OLFML2A: variants seen among roughly 807,000 people sequenced by gnomAD.
OLFML2A encodes the protein olfactomedin-like protein 2A.
In OLFML2A, 47 loss-of-function variants were observed where a neutral mutation model predicts 60.9. That is an observed-to-expected ratio of 0.77 (90% CI 0.61 to 0.98). The LOEUF is 0.98. Among genes scored for constraint, OLFML2A ranks in the 50% least tolerant of loss-of-function variants. The pLI is 0.00. For missense variants in OLFML2A, 922 were observed against 879.8 expected (o/e 1.05, Z -0.61); for synonymous variants, 372 against 375.0 (o/e 0.99, Z 0.09).
rs143496997 is a variant in OLFML2A, at chr9:124,807,824, C to A, written c.1212C>A (p.Pro404=). 8.5e-5 allele frequency: 137 copies of A among 1,613,830 alleles called. No individual in the cohort carries two copies. The highest frequency in any genetic ancestry group is 2.0e-4 in the Admixed American group (12 of 59,982). Residue 404 remains proline, a synonymous_variant, in exon 7 of 8, where the codon CCC becomes CCA. Transcript: ENST00000373580. ...AGGGCACCCTCCGGGCTGTGGACCC[C>A]CCTGTGAGGCACCACAGCTATGGGC... ...SCEGTLRAVD[P]PVRHHSYGRH... is the part of the protein sequence containing the mutation.
intron 6 of OLFML2A, 129 bp downstream of exon 6, chr9:124,804,471 A>C: frequency 1.1e-6 from 1 of 925,800 alleles, no homozygotes; most frequent in Non-Finnish European, 1.6e-6. Flanking sequence ...CACCTGTAAC[A>C]CCAGCACTTT....
rs1046335870 is a variant in OLFML2A, at chr9:124,777,437, G to C, written c.90+77G>C. On this transcript the variant is annotated intron_variant, in intron 1 of 7. Coordinates refer to ENST00000373580, the MANE Select transcript of OLFML2A (RefSeq NM_182487.4). This position sits in a 1 kb window ranked among gnomAD's most constrained non-coding sequence, Gnocchi z 6.2. ...GGGCGCTGTGGCTGGGGTGCGGCCC[G>C]GGAGGGAGCCCGGGGCCAGGGCGGA... The C allele has an allele frequency of 4.1e-6, 5 of 1,206,628 alleles. No individual in the cohort carries two copies. Among genetic ancestry groups the C allele is most frequent in the Non-Finnish European group, 5.2e-6 (5 of 968,744 alleles). 74.7% of individuals were successfully genotyped at this position (1,206,628 alleles called of 1,614,324 possible). A position where few individuals can be genotyped will look rare whatever the true frequency, so the allele number is the denominator to read the frequency against.
In OLFML2A at chr9:124,810,541, G is replaced by C; in HGVS notation, c.*129G>C. On this transcript the variant is annotated 3_prime_UTR_variant, in exon 8 of 8. Coordinates refer to ENST00000373580, the MANE Select transcript of OLFML2A (RefSeq NM_182487.4). The stretch of plus-strand genomic sequence containing the variant: ...CAGGGCTGGGACTGGGCATGAGGTG[G>C]TCACCAGGATTGAGCTTCCTCAGCA... 1 of 954,368 alleles carries C rather than the reference G, an allele frequency of 1.0e-6. No homozygotes were observed. The highest frequency in any genetic ancestry group is 1.5e-6 in the Non-Finnish European group (1 of 659,036). The allele number at this position is 954,368 out of a possible 1,614,324, so 59.1% of individuals were successfully genotyped here.
At chr9:124,808,304 C>T (rs992385128) in intron 7 of OLFML2A, among the ~76,000 whole-genome samples, 1 of 152,144 alleles carries the variant, frequency 6.6e-6, no homozygotes, top group Non-Finnish European at 1.5e-5. Flanking sequence ...CTGATCTCGC[C>T]CCCCGTGTAT....
intron 2 of OLFML2A, among the ~76,000 whole-genome samples, chr9:124,794,554 G>A (rs1040236174): frequency 1.3e-5 from 2 of 152,096 alleles, no homozygotes; most frequent in Non-Finnish European, 2.9e-5. Flanking sequence ...GGGCTGGTGA[G>A]TGCTCAGGGC....
chr9:124,796,676 C>T (rs1246354885), intron 3 of OLFML2A, among the ~76,000 whole-genome samples: 1 of 152,204 alleles, frequency 6.6e-6, no homozygotes, highest in Non-Finnish European at 1.5e-5. Flanking sequence ...AGGGAAAAAC[C>T]TCCCGGGGGA....
chr9:124,786,116 C>CAAACA (rs557739486), intron 1 of OLFML2A, among the ~76,000 whole-genome samples: 13 of 152,126 alleles, frequency 8.5e-5, no homozygotes, highest in South Asian at 2.1e-4. Flanking sequence ...CCTCTCTCTA[C>CAAACA]AAACAAAACA....
chr9:124,801,374 T>C (rs1263024108), intron 4 of OLFML2A, 40 bp from the exon 5 acceptor site: 2 of 1,608,294 alleles, frequency 1.2e-6, no homozygotes, highest in Non-Finnish European at 1.7e-6. Context: ...CAACATTTCT[T>C]CTACTGTCCT....
intron 2 of OLFML2A, among the ~76,000 whole-genome samples, chr9:124,790,938 C>T (rs1307575803): frequency 3.9e-5 from 6 of 152,206 alleles, no homozygotes; most frequent in South Asian, 2.1e-4. Context: ...GTTTGTCCTC[C>T]GCAGCATGGC....
chr9:124,810,047 G>T lies in OLFML2A; in HGVS notation c.1594G>T (p.Val532Phe). The stretch of plus-strand genomic sequence containing the variant: ...TGCCGTGGACGAGAGCGGCCTGTGG[G>T]TCATCTACCCCGCCGTGGACGACCG... ...DFAVDESGLW[V>F]IYPAVDDRDE... The change falls in exon 8 of 8, where the codon GTC becomes TTC. Residue 532 changes from valine (V) to phenylalanine (F), a missense_variant. By Grantham distance (50) the Val-to-Phe change is conservative (BLOSUM62 -1). Coordinates refer to ENST00000373580, the MANE Select transcript of OLFML2A (RefSeq NM_182487.4). 6.2e-7 allele frequency: 1 copy of T among 1,613,916 alleles called. No individual in the cohort carries two copies. Among genetic ancestry groups the T allele is most frequent in the Non-Finnish European group, 8.5e-7 (1 of 1,179,996 alleles).
At chr9:124,796,423 G>T (rs562600845) in intron 3 of OLFML2A, among the ~76,000 whole-genome samples, 1 of 152,236 alleles carries the variant, frequency 6.6e-6, no homozygotes, top group South Asian at 2.1e-4. Context: ...ATGTAACTCT[G>T]AGCCAGATGA....
At position 124,787,166 on chromosome 9, in the gene OLFML2A, C is replaced by A; in HGVS notation, c.282C>A (p.Pro94=). 1 of 1,614,180 alleles carries A rather than the reference C, an allele frequency of 6.2e-7. No individual in the cohort carries two copies. The highest frequency in any genetic ancestry group is 2.2e-5 in the East Asian group (1 of 44,880). The change falls in exon 2 of 8, where the codon CCC becomes CCA. Residue 94 remains proline (P), a synonymous_variant. Transcript: ENST00000373580. ...TDCRCSCTAP[P]SSLNPCENEW... Reference sequence around the variant, plus strand: ...GCCGCTGCTCCTGTACCGCACCTCCCTCCTCTCTCAACCCCTGTGAGAACG... The same window carrying A: ...GCCGCTGCTCCTGTACCGCACCTCCATCCTCTCTCAACCCCTGTGAGAACG...
rs1841734029 is a variant in OLFML2A, at chr9:124,799,507, T to C, written c.669+16T>C. The C allele has an allele frequency of 6.4e-7, 1 of 1,562,120 alleles. No individual in the cohort carries two copies. Among genetic ancestry groups the C allele is most frequent in the African/African-American group, 1.4e-5 (1 of 74,056 alleles). ...CAAGGCCCAGGTGAGGCCCCAGCTC[T>C]GATCATGGGGCCGGAGCTGGCTGAA... On this transcript the variant is annotated intron_variant, in intron 4 of 7. Transcript: ENST00000373580.
chr9:124,790,702 A>G (rs1588881518), intron 2 of OLFML2A, among the ~76,000 whole-genome samples: 1 of 152,060 alleles, frequency 6.6e-6, no homozygotes, highest in East Asian at 1.9e-4. Flanking sequence ...GAGTGGGTAC[A>G]CTTTCAGGGA....
At position 124,777,787 on chromosome 9, in the gene OLFML2A, C is replaced by G. The variant is rs1841284409; in HGVS notation, c.90+427C>G. 6.6e-6 allele frequency among the ~76,000 whole-genome samples: 1 copy of G among 152,124 alleles called. No individual in the cohort carries two copies. Among genetic ancestry groups the G allele is most frequent in the Non-Finnish European group, 1.5e-5 (1 of 68,002 alleles). ...GGTCTTCTCTACCCGATGAACGCAG[C>G]CGCGCTGGCCACTCGCCTGGCCTCT... is the stretch of plus-strand genomic sequence containing the variant. On this transcript the variant is annotated intron_variant, in intron 1 of 7. Transcript: ENST00000373580. The surrounding 1 kb of genome is among the most constrained non-coding windows in gnomAD (Gnocchi z 6.2).
intron 1 of OLFML2A, among the ~76,000 whole-genome samples, chr9:124,781,678 T>C (rs1841363039): frequency 6.6e-6 from 1 of 151,474 alleles, no homozygotes; most frequent in Admixed American, 6.6e-5. Context: ...CCTGTAATCC[T>C]GGATACTCAG....
At chr9:124,791,453 C>T (rs1841566507) in intron 2 of OLFML2A, among the ~76,000 whole-genome samples, 2 of 152,130 alleles carry the variant, frequency 1.3e-5, no homozygotes, top group African/African-American at 4.8e-5. Context: ...TGAAATGAGG[C>T]AGGCCAGGCG....
Position 124,779,043 on chromosome 9 carries a change from C to A in OLFML2A, c.90+1683C>A. ...ACTCTCAGCCTGATTCAGCTCAGGGCATGAAAGCACCCACGTACAACGCTG... is the reference window on the plus strand; with the variant it reads ...ACTCTCAGCCTGATTCAGCTCAGGGAATGAAAGCACCCACGTACAACGCTG... On this transcript the variant is annotated intron_variant, in intron 1 of 7. Coordinates refer to ENST00000373580, the MANE Select transcript of OLFML2A (RefSeq NM_182487.4). This position sits in a 1 kb window ranked among gnomAD's most constrained non-coding sequence, Gnocchi z 4.1. The A allele has an allele frequency of 1.4e-6, 1 of 693,586 alleles. No homozygotes were observed. Among genetic ancestry groups the A allele is most frequent in the Non-Finnish European group, 1.8e-6 (1 of 563,560 alleles). The allele number at this position is 693,586 out of a possible 1,614,324, so 43.0% of individuals were successfully genotyped here. A position where few individuals can be genotyped will look rare whatever the true frequency, so the allele number is the denominator to read the frequency against.
chr9:124,785,608 G>C (rs1841455370), intron 1 of OLFML2A, among the ~76,000 whole-genome samples: 1 of 151,406 alleles, frequency 6.6e-6, no homozygotes, highest in Non-Finnish European at 1.5e-5. Context: ...CACCATGTTA[G>C]CCAAGATGGT....
Sources: allele counts gnomAD v4.1 joint callset (sites outside exome capture counted in the v4.1 genomes callset), GRCh38; gene constraint gnomAD v4.1.1; non-coding constraint Gnocchi (gnomAD v3.1); transcripts MANE v1.5; gene names NCBI Gene and HGNC (gene_info 2026-07-23, HGNC 2026-07-21).